Variants in CDH12 observed in about 807,000 individuals in gnomAD.
CDH12 encodes the protein cadherin 12.
In CDH12, 41 loss-of-function variants were observed where a neutral mutation model predicts 74.1. The ratio of observed to expected loss-of-function variants is 0.55; its 90% CI spans 0.43 to 0.72. CDH12 has a LOEUF of 0.72. Ranked by LOEUF, CDH12 falls within the 30% of genes least tolerant of loss-of-function variation. CDH12 has a pLI of 0.00. For missense variants in CDH12, 945 were observed against 977.2 expected (o/e 0.97, Z 0.44); for synonymous variants, 399 against 355.0 (o/e 1.12, Z -1.39).
intron 3 of CDH12, among the ~76,000 whole-genome samples, chr5:22,323,426 AC>A (rs1738964987): frequency 6.6e-6 from 1 of 152,180 alleles, no homozygotes; most frequent in African/African-American, 2.4e-5. Flanking sequence ...TTATACATTT[AC>A]TTTTTATTAA....
At chr5:22,331,065 T>G (rs1031208339) in intron 3 of CDH12, among the ~76,000 whole-genome samples, 1 of 152,174 alleles carries the variant, frequency 6.6e-6, no homozygotes, top group Non-Finnish European at 1.5e-5. Flanking sequence ...GAGGCTCCTC[T>G]GCCTGTGGAA....
At chr5:21,812,020 C>A (rs1230596838) in intron 9 of CDH12, among the ~76,000 whole-genome samples, 1 of 151,822 alleles carries the variant, frequency 6.6e-6, no homozygotes, top group East Asian at 1.9e-4. Flanking sequence ...TCAAGCCCTC[C>A]CTCTATACAG....
chr5:22,776,417 T>C (rs1747107570), intron 1 of CDH12, among the ~76,000 whole-genome samples: 1 of 152,098 alleles, frequency 6.6e-6, no homozygotes, highest in Non-Finnish European at 1.5e-5. Flanking sequence ...CTCACAGACT[T>C]TGTGCGTGTG....
At chr5:22,458,714 T>G (rs1278466879) in intron 2 of CDH12, among the ~76,000 whole-genome samples, 1 of 152,228 alleles carries the variant, frequency 6.6e-6, no homozygotes, top group Non-Finnish European at 1.5e-5. Flanking sequence ...CATATTTGTT[T>G]ACAATATTTC....
At chr5:22,689,996 G>T (rs183078684) in intron 1 of CDH12, among the ~76,000 whole-genome samples, 1 of 152,064 alleles carries the variant, frequency 6.6e-6, no homozygotes, top group Non-Finnish European at 1.5e-5. Context: ...ATTTCACCTG[G>T]TTTTCAAAGA....
At chr5:21,909,778 A>T (rs550151876) in intron 6 of CDH12, among the ~76,000 whole-genome samples, 3 of 152,196 alleles carry the variant, frequency 2.0e-5, no homozygotes, top group Non-Finnish European at 4.4e-5. Flanking sequence ...ATAATTTCAG[A>T]ATGAAGGACA....
intron 5 of CDH12, among the ~76,000 whole-genome samples, chr5:22,040,817 G>A (rs780669851): frequency 1.6e-4 from 25 of 151,962 alleles, no homozygotes; most frequent in Non-Finnish European, 3.5e-4. Flanking sequence ...AGTTCTTATA[G>A]TAGAAACAAA....
intron 3 of CDH12, among the ~76,000 whole-genome samples, chr5:22,343,313 G>C (rs199907318): frequency 0.19 from 10,490 of 56,454 alleles, 553 homozygotes; most frequent in South Asian, 0.4. Context: ...CACACACACA[G>C]ACACACACAC....
At chr5:22,428,943 A>G (rs1413931629) in intron 2 of CDH12, among the ~76,000 whole-genome samples, 2 of 152,064 alleles carry the variant, frequency 1.3e-5, no homozygotes, top group Non-Finnish European at 2.9e-5. Flanking sequence ...CCAACCTTAT[A>G]CCATTGTTTT....
At chr5:22,336,798 G>T (rs1739603341) in intron 3 of CDH12, among the ~76,000 whole-genome samples, 1 of 152,208 alleles carries the variant, frequency 6.6e-6, no homozygotes, top group Non-Finnish European at 1.5e-5. Context: ...GAAATGTGAG[G>T]TCGGAGCCCC....
rs150248283 is a variant in CDH12 at position 22,283,205 on chromosome 5, GATATATATATAGATATATATATAT to G, written c.-332-70586_-332-70563del. ...ATAATTCCTGGAGGAACATCTGTGA[GATATATATATAGATATATATATAT>G]ATATATATATATATATATATATACA... On this transcript the variant is annotated intron_variant, in intron 3 of 14. Transcript: ENST00000382254. Among the ~76,000 whole-genome samples, 289 of 107,972 alleles carry G rather than the reference GATATATATATAGATATATATATAT, an allele frequency of 2.7e-3. 5 individuals carry two copies. Among genetic ancestry groups the G allele is most frequent in the African/African-American group, 8.1e-3 (229 of 28,166 alleles). The allele number at this position is 107,972 out of a possible 152,430, so 70.8% of individuals were successfully genotyped here.
chr5:21,897,873 G>A (rs561576775), intron 6 of CDH12, among the ~76,000 whole-genome samples: 329 of 152,106 alleles, frequency 2.2e-3, no homozygotes, highest in Non-Finnish European at 3.5e-3. Context: ...AAATTTTAAA[G>A]GCTTCTACAC....
At chr5:22,487,049 T>TG (rs1025297382) in intron 2 of CDH12, among the ~76,000 whole-genome samples, 6 of 151,466 alleles carry the variant, frequency 4.0e-5, no homozygotes, top group African/African-American at 7.3e-5. Flanking sequence ...ACGGCTTTTT[T>TG]TGTGTGTGTG....
intron 2 of CDH12, among the ~76,000 whole-genome samples, chr5:22,443,381 A>G (rs191643078): frequency 6.6e-6 from 1 of 152,282 alleles, no homozygotes; most frequent in East Asian, 1.9e-4. Flanking sequence ...GCTCATAGTG[A>G]CTTGTTAAAC....
At chr5:22,261,988 A>G (rs1430278971) in intron 3 of CDH12, among the ~76,000 whole-genome samples, 1 of 152,130 alleles carries the variant, frequency 6.6e-6, no homozygotes, top group Non-Finnish European at 1.5e-5. Flanking sequence ...TTCTGAAACC[A>G]TTTAAAAAAT....
intron 1 of CDH12, among the ~76,000 whole-genome samples, chr5:22,601,856 A>C (rs933621647): frequency 1.3e-5 from 2 of 152,002 alleles, no homozygotes; most frequent in Non-Finnish European, 2.9e-5. Flanking sequence ...GAAAGGAAGA[A>C]ACTGGATATA....
At chr5:21,941,929 G>A (rs1177952774) in intron 6 of CDH12, among the ~76,000 whole-genome samples, 5 of 151,870 alleles carry the variant, frequency 3.3e-5, no homozygotes, top group African/African-American at 7.3e-5. Flanking sequence ...CTAAAATGTC[G>A]ACGTCCTAAT....
chr5:21,964,660 T>C (rs1756504121), intron 6 of CDH12, among the ~76,000 whole-genome samples: 1 of 151,994 alleles, frequency 6.6e-6, no homozygotes, highest in Admixed American at 6.6e-5. Context: ...GAGATTAACA[T>C]ATGTAGACAG....
intron 4 of CDH12, among the ~76,000 whole-genome samples, chr5:22,087,589 C>T (rs564315746): frequency 2.6e-5 from 4 of 151,924 alleles, no homozygotes; most frequent in Admixed American, 6.6e-5. Flanking sequence ...TGCAGTGCGC[C>T]GCAATCATGC....
Sources: gnomAD v4.1 joint callset for allele counts (sites outside exome capture counted in the v4.1 genomes callset) on GRCh38, gnomAD v4.1.1 for gene constraint, MANE v1.5 for transcripts, NCBI Gene and HGNC (gene_info 2026-07-23, HGNC 2026-07-21) for gene names.